GRIN2A: variants seen among roughly 807,000 people sequenced by gnomAD.
GRIN2A encodes glutamate ionotropic receptor NMDA type subunit 2A, also known as glutamate receptor ionotropic, NMDA 2A.
GRIN2A carries 22 observed loss-of-function variants against 113.4 expected under a neutral mutation model. The ratio of observed to expected loss-of-function variants is 0.19; its 90% CI spans 0.14 to 0.28. GRIN2A has a LOEUF of 0.28. GRIN2A is among the 10% of genes least tolerant of loss of function. GRIN2A has a pLI of 1.00. For missense variants in GRIN2A, 1,502 were observed against 1,887.0 expected (o/e 0.80, Z 3.78); for synonymous variants, 827 against 738.4 (o/e 1.12, Z -1.94).
rs765744766 is a variant in GRIN2A, at chr16:9,763,635, G to C, written c.3909C>G (p.Asp1303Glu). The change falls in exon 13 of 13, where the codon GAC becomes GAG. Residue 1303 changes from aspartate (D) to glutamate (E), a missense_variant. Physicochemically the swap from Asp to Glu is conservative, Grantham distance 45 (BLOSUM62 2). This residue lies in a region of GRIN2A where 832 missense variants were observed against 789.7 expected (regional missense o/e 1.05). Coordinates refer to ENST00000330684, the MANE Select transcript of GRIN2A (RefSeq NM_001134407.3). ...TTATGCTCCGGGAGGGCCTGCTAAG[G>C]TCTAGCTCCCTAGGTTTGTCGACAA... ...DNIVDKPRELDLSRPSRSISL... is the reference protein window; with the variant it reads ...DNIVDKPRELELSRPSRSISL... The C allele has an allele frequency of 3.7e-6, 6 of 1,613,226 alleles. No individual in the cohort carries two copies. Among genetic ancestry groups the C allele is most frequent in the Non-Finnish European group, 5.1e-6 (6 of 1,179,998 alleles).
intron 3 of GRIN2A, among the ~76,000 whole-genome samples, chr16:9,918,901 G>A (rs985351587): frequency 2.0e-5 from 3 of 151,946 alleles, no homozygotes; most frequent in Admixed American, 6.6e-5. Context: ...GGAGCGGCGC[G>A]GTGGCTCATG....
chr16:9,864,815 T>C lies in GRIN2A; in HGVS notation c.1123-14854A>G, dbSNP rs142053123. 3.5e-4 allele frequency among the ~76,000 whole-genome samples: 54 copies of C among 152,312 alleles called. 1 individual carries two copies. Among genetic ancestry groups the C allele is most frequent in the African/African-American group, 1.3e-3 (54 of 41,574 alleles). On this transcript the variant is annotated intron_variant, in intron 4 of 12. Transcript: ENST00000330684. The stretch of plus-strand genomic sequence containing the variant: ...CTGGAACTTGGTAGCAGGTCTCTGA[T>C]GGGCATTTGTTCTTCTGTATCTGGG...
chr16:10,173,700 T>C (rs1309765130), intron 2 of GRIN2A, among the ~76,000 whole-genome samples: 1 of 152,178 alleles, frequency 6.6e-6, no homozygotes, highest in Non-Finnish European at 1.5e-5. Context: ...AAATGAATAT[T>C]ATTAATGGTG....
chr16:9,895,328 G>A (rs961262561), intron 3 of GRIN2A, among the ~76,000 whole-genome samples: 24 of 152,188 alleles, frequency 1.6e-4, no homozygotes, highest in Admixed American at 4.6e-4. Flanking sequence ...TGGAGAAAAT[G>A]CAAAGTCCAA....
intron 2 of GRIN2A, among the ~76,000 whole-genome samples, chr16:10,104,660 G>A (rs4353478): frequency 0.4 from 61,503 of 151,868 alleles, 12,611 homozygotes; most frequent in East Asian, 0.46. Flanking sequence ...GCACATGACA[G>A]AGACAAGTTT....
intron 2 of GRIN2A, among the ~76,000 whole-genome samples, chr16:10,074,662 A>G (rs1033342393): frequency 3.9e-5 from 6 of 152,216 alleles, no homozygotes; most frequent in Non-Finnish European, 8.8e-5. Flanking sequence ...TTCCATTTAC[A>G]TGAAATTTCC....
At chr16:9,998,495 T>C (rs1222853868) in intron 2 of GRIN2A, among the ~76,000 whole-genome samples, 1 of 152,244 alleles carries the variant, frequency 6.6e-6, no homozygotes, top group Non-Finnish European at 1.5e-5. Context: ...ACATTGTGAA[T>C]GTACTTAATG....
In GRIN2A at chr16:9,763,233, A is replaced by G. The variant is rs1567274973; in HGVS notation, c.4311T>C (p.Asn1437=). 4 of 1,614,014 alleles carry G rather than the reference A, an allele frequency of 2.5e-6. No homozygotes were observed. The highest frequency in any genetic ancestry group is 3.3e-4 in the Middle Eastern group (2 of 6,062). ...HVMPYAANKN[N]MYSTPRVLNS... ...TTAAAACCCTGGGGGTAGAGTACAT[A>G]TTATTCTTATTTGCAGCATAAGGCA... Residue 1437 remains asparagine, a synonymous_variant, in exon 13 of 13, where the codon AAT becomes AAC. Transcript: ENST00000330684.
chr16:10,105,467 A>C (rs1314253746), intron 2 of GRIN2A, among the ~76,000 whole-genome samples: 13 of 149,174 alleles, frequency 8.7e-5, no homozygotes, highest in Non-Finnish European at 1.9e-4. Context: ...GAAACTACAA[A>C]TTTTCAAACA....
At chr16:9,799,006 C>T (rs1903184349) in intron 10 of GRIN2A, among the ~76,000 whole-genome samples, 1 of 152,232 alleles carries the variant, frequency 6.6e-6, no homozygotes, top group South Asian at 2.1e-4. Flanking sequence ...ACCTATAATT[C>T]TATAACTCAG....
chr16:10,063,517 C>T (rs928889208), intron 2 of GRIN2A, among the ~76,000 whole-genome samples: 3 of 152,144 alleles, frequency 2.0e-5, no homozygotes, highest in Non-Finnish European at 2.9e-5. Flanking sequence ...CTATTCTCTC[C>T]TTCTTTAACA....
At chr16:9,930,248 T>G (rs931959925) in intron 3 of GRIN2A, among the ~76,000 whole-genome samples, 1 of 152,190 alleles carries the variant, frequency 6.6e-6, no homozygotes, top group African/African-American at 2.4e-5. Context: ...ATATCCTAGA[T>G]GCTTGACTAA....
intron 2 of GRIN2A, among the ~76,000 whole-genome samples, chr16:10,146,243 G>A (rs1002580983): frequency 6.6e-6 from 1 of 152,090 alleles, no homozygotes; most frequent in Non-Finnish European, 1.5e-5. Context: ...TCAGCCTCCT[G>A]AGTAGCTGGG....
intron 2 of GRIN2A, among the ~76,000 whole-genome samples, chr16:10,064,339 A>G (rs1449836883): frequency 6.6e-6 from 1 of 152,140 alleles, no homozygotes; most frequent in Non-Finnish European, 1.5e-5. Flanking sequence ...GGTGCATCAG[A>G]ACAACGTTGT....
chr16:10,181,699 G>A (rs2050275184), intron 1 of GRIN2A, 178 bp downstream of exon 1: 1 of 152,522 alleles, frequency 6.6e-6, no homozygotes, highest in African/African-American at 2.4e-5. Flanking sequence ...CGACGTTCCT[G>A]GGTAAGCGCC....
In GRIN2A at chr16:9,828,739, G is replaced by C. The variant is rs141151075; in HGVS notation, c.2007+684C>G. On this transcript the variant is annotated intron_variant, in intron 9 of 12. Coordinates refer to ENST00000330684, the MANE Select transcript of GRIN2A (RefSeq NM_001134407.3). ...TTTCATTTCACTGGAGAATGAGAGA[G>C]CAGGTGTTTTTACTCCTGTCTTACT... Among the ~76,000 whole-genome samples the C allele has an allele frequency of 1.3e-3, 198 of 152,284 alleles. 2 individuals carry two copies. The Middle Eastern group carries it at 0.031, about 24-fold the overall frequency.
intron 2 of GRIN2A, among the ~76,000 whole-genome samples, chr16:9,953,103 A>T (rs1225340665): frequency 6.6e-6 from 1 of 152,166 alleles, no homozygotes; most frequent in East Asian, 1.9e-4. Flanking sequence ...GCCCAGAGAA[A>T]TCTCACTAAA....
chr16:9,928,066 T>C (rs2044503415), intron 3 of GRIN2A, among the ~76,000 whole-genome samples: 1 of 152,188 alleles, frequency 6.6e-6, no homozygotes, highest in South Asian at 2.1e-4. Flanking sequence ...TGGCCTCCCA[T>C]GCCCACGCAG....
At chr16:10,132,151 G>C (rs1018483282) in intron 2 of GRIN2A, among the ~76,000 whole-genome samples, 1 of 151,946 alleles carries the variant, frequency 6.6e-6, no homozygotes, top group Non-Finnish European at 1.5e-5. Flanking sequence ...GGCCAACATA[G>C]TGAAATCCCA....
Sources: gnomAD v4.1 joint callset for allele counts (sites outside exome capture counted in the v4.1 genomes callset) on GRCh38, gnomAD v4.1.1 for gene constraint, gnomAD v4.1.1 regional missense constraint, MANE v1.5 for transcripts, NCBI Gene and HGNC (gene_info 2026-07-23, HGNC 2026-07-21) for gene names.